Variants in KDM4C observed in about 807,000 individuals in gnomAD.
The protein encoded by KDM4C is lysine demethylase 4C.
Under a neutral mutation model 129.3 loss-of-function variants are expected in KDM4C, and 81 were observed. That is an observed-to-expected ratio of 0.63 (90% confidence interval 0.52 to 0.75). KDM4C has a LOEUF of 0.75. Ranked by LOEUF, KDM4C falls within the 30% of genes least tolerant of loss-of-function variation. The probability of loss-of-function intolerance (pLI) is 0.00; values close to 1 mark genes in which losing one functional copy is unlikely to be tolerated. For missense variants in KDM4C, 1,457 were observed against 1,304.0 expected (o/e 1.12, Z -1.81); for synonymous variants, 573 against 456.1 (o/e 1.26, Z -3.26).
chr9:6,774,840 C>T (rs897692888), intron 1 of KDM4C, among the ~76,000 whole-genome samples: 1 of 152,116 alleles, frequency 6.6e-6, no homozygotes, highest in African/African-American at 2.4e-5. Context: ...TCTCATCCAT[C>T]TTCTCTCCTT....
chr9:6,905,638 A>G (rs527433877), intron 8 of KDM4C, among the ~76,000 whole-genome samples: 1 of 152,334 alleles, frequency 6.6e-6, no homozygotes, highest in South Asian at 2.1e-4. Flanking sequence ...TGCCGTTCTC[A>G]GATTTGTAGG....
intron 8 of KDM4C, among the ~76,000 whole-genome samples, chr9:6,955,957 C>G (rs968039178): frequency 6.6e-6 from 1 of 152,204 alleles, no homozygotes; most frequent in Non-Finnish European, 1.5e-5. Flanking sequence ...AACTGTGCCA[C>G]CTCTGCCTCT....
chr9:6,913,797 A>C lies in KDM4C; in HGVS notation c.921+20565A>C, dbSNP rs1658108885. ...CAAACAGTTACTATAAAAAGTAATA[A>C]GGTGTATTTGACATCCTTTGAGGCC... On this transcript the variant is annotated intron_variant, in intron 8 of 21. Transcript: ENST00000381309. 2.0e-5 allele frequency among the ~76,000 whole-genome samples: 3 copies of C among 152,236 alleles called. No homozygotes were observed. In the South Asian group the frequency reaches 6.2e-4, roughly 31 times the overall value.
At chr9:7,111,392 GA>G (rs956269091) in intron 18 of KDM4C, among the ~76,000 whole-genome samples, 1 of 152,162 alleles carries the variant, frequency 6.6e-6, no homozygotes, top group African/African-American at 2.4e-5. Context: ...TCTGAAATTC[GA>G]AAAATTCTGA....
At chr9:6,836,364 T>C (rs79083686) in intron 4 of KDM4C, among the ~76,000 whole-genome samples, 9,232 of 152,178 alleles carry the variant, frequency 0.061, 379 homozygotes, top group East Asian at 0.15. Flanking sequence ...AGAGCAAGAC[T>C]CTGTCTCAAA....
intron 17 of KDM4C, among the ~76,000 whole-genome samples, chr9:7,058,258 C>G (rs899897910): frequency 7.8e-5 from 7 of 89,920 alleles, no homozygotes; most frequent in African/African-American, 2.8e-4. Context: ...AAAATGTGAT[C>G]AGCATACTGT....
rs114775874 is a variant in KDM4C at position 6,944,109 on chromosome 9, G to A, written c.922-36816G>A. ...CATAATTTAAAAGATAGATTTTGTC[G>A]AATTATGTGTTGGGTTAGGAAATCC... On this transcript the variant is annotated intron_variant, in intron 8 of 21. Coordinates refer to ENST00000381309, the MANE Select transcript of KDM4C (RefSeq NM_015061.6). 3.5e-3 allele frequency among the ~76,000 whole-genome samples: 527 copies of A among 152,218 alleles called. 2 individuals carry two copies. The highest frequency in any genetic ancestry group is 0.012 in the African/African-American group (493 of 41,522).
At chr9:7,092,007 C>A (rs1587588956) in intron 17 of KDM4C, among the ~76,000 whole-genome samples, 1 of 152,330 alleles carries the variant, frequency 6.6e-6, no homozygotes, top group Admixed American at 6.5e-5. Flanking sequence ...CCCCTGATAA[C>A]TGGGGTGATC....
At chr9:6,762,588 A>G (rs1334857105) in intron 1 of KDM4C, among the ~76,000 whole-genome samples, 2 of 149,224 alleles carry the variant, frequency 1.3e-5, no homozygotes, top group African/African-American at 4.9e-5. Context: ...ATAATTTTAT[A>G]ATATAAATAC....
At chr9:7,017,958 A>G (rs1823984678) in intron 15 of KDM4C, among the ~76,000 whole-genome samples, 1 of 152,184 alleles carries the variant, frequency 6.6e-6, no homozygotes, top group Admixed American at 6.5e-5. Context: ...GACACTCTTT[A>G]TGGTCTGAAT....
chr9:7,072,752 CTT>C (rs1833377175), intron 17 of KDM4C, among the ~76,000 whole-genome samples: 1 of 152,074 alleles, frequency 6.6e-6, no homozygotes, highest in African/African-American at 2.4e-5. Context: ...AAAGGATGAA[CTT>C]TATGTTATTT....
At chr9:7,118,954 A>G (rs1397743444) in intron 18 of KDM4C, among the ~76,000 whole-genome samples, 1 of 152,098 alleles carries the variant, frequency 6.6e-6, no homozygotes, top group Non-Finnish European at 1.5e-5. Context: ...ATCTTCCCTC[A>G]TTCTACCTCA....
intron 8 of KDM4C, among the ~76,000 whole-genome samples, chr9:6,934,748 C>A (rs1426808647): frequency 6.6e-6 from 1 of 152,088 alleles, no homozygotes; most frequent in East Asian, 1.9e-4. Flanking sequence ...AGGCGTGAGC[C>A]ACTGCGCCCG....
Position 6,899,218 on chromosome 9 carries a change from A to G in KDM4C, c.921+5986A>G, listed in dbSNP as rs144112322. 8.0e-3 allele frequency among the ~76,000 whole-genome samples: 1,210 copies of G among 152,192 alleles called. 14 individuals carry two copies. The highest frequency in any genetic ancestry group is 0.016 in the Admixed American group (249 of 15,264). On this transcript the variant is annotated intron_variant, in intron 8 of 21. Coordinates refer to ENST00000381309, the MANE Select transcript of KDM4C (RefSeq NM_015061.6). The stretch of plus-strand genomic sequence containing the variant: ...CACAGCAAAATTCAGAGGAAAGTAT[A>G]GAGATTCCCCATATTCCCCTTCTCC...
Position 6,785,485 on chromosome 9 carries a change from C to G in KDM4C, c.-17-7487C>G, listed in dbSNP as rs1010006817. ...CCCAGTAGCTGGGATTACAGGCACC[C>G]GCCACCATGCCTGGCTAATTTTTTT... is the stretch of plus-strand genomic sequence containing the variant. On this transcript the variant is annotated intron_variant, in intron 1 of 21. Transcript: ENST00000381309. Among the ~76,000 whole-genome samples, 31 of 152,094 alleles carry G rather than the reference C, an allele frequency of 2.0e-4. 1 individual carries two copies. Among genetic ancestry groups the G allele is most frequent in the Non-Finnish European group, 1.5e-5 (1 of 68,014 alleles).
intron 17 of KDM4C, among the ~76,000 whole-genome samples, chr9:7,081,781 G>T (rs554206329): frequency 6.6e-6 from 1 of 152,302 alleles, no homozygotes; most frequent in South Asian, 2.1e-4. Flanking sequence ...TGTGTCTAAA[G>T]CCTTGGAGAT....
Position 6,746,393 on chromosome 9 carries a change from C to G in KDM4C, c.49+25396C>G, listed in dbSNP as rs186082951. Among the ~76,000 whole-genome samples the G allele has an allele frequency of 5.7e-3, 855 of 150,346 alleles. 12 individuals are homozygous for G. The highest frequency in any genetic ancestry group is 0.02 in the African/African-American group (826 of 40,996). ...ACGCCATTCTCCTGCCTCAGCCTCCCGAGTAGCTGGGACTACAGGCGCTCG... is the reference window on the plus strand; with the variant it reads ...ACGCCATTCTCCTGCCTCAGCCTCCGGAGTAGCTGGGACTACAGGCGCTCG... On this transcript the variant is annotated intron_variant, in intron 1 of 17. Transcript: ENST00000536108.
At chr9:6,935,951 T>C (rs1824703791) in intron 8 of KDM4C, among the ~76,000 whole-genome samples, 2 of 151,612 alleles carry the variant, frequency 1.3e-5, no homozygotes, top group African/African-American at 4.9e-5. Flanking sequence ...AGTTTTAAAA[T>C]GTCATCTTCT....
chr9:6,761,134 C>T (rs891914923), intron 1 of KDM4C, among the ~76,000 whole-genome samples: 5 of 151,072 alleles, frequency 3.3e-5, no homozygotes, highest in African/African-American at 1.2e-4. Flanking sequence ...CTCAGCCAAC[C>T]CAGTAGCTGG....
Sources: allele counts gnomAD v4.1 joint callset (sites outside exome capture counted in the v4.1 genomes callset), GRCh38; gene constraint gnomAD v4.1.1; transcripts MANE v1.5; gene names NCBI Gene and HGNC (gene_info 2026-07-23, HGNC 2026-07-21).